ADGRE2: variants seen among roughly 807,000 people sequenced by gnomAD.
ADGRE2 encodes adhesion G protein-coupled receptor E2, also known as CD97 antigen.
In ADGRE2, 83 loss-of-function variants were observed where a neutral mutation model predicts 100.8. The ratio of observed to expected loss-of-function variants is 0.82; its 90% CI spans 0.69 to 0.99. ADGRE2 has a LOEUF of 0.99. Ranked by LOEUF, ADGRE2 falls within the 50% of genes least tolerant of loss-of-function variation. The pLI, the probability that ADGRE2 is intolerant of heterozygous loss-of-function variation, is 0.00. For missense variants in ADGRE2, 814 were observed against 1,035.7 expected (o/e 0.79, Z 2.94); for synonymous variants, 355 against 413.0 (o/e 0.86, Z 1.70).
In ADGRE2 at chr19:14,748,647, T is replaced by C. The variant is rs187640159; in HGVS notation, c.2025-1685A>G. Among the ~76,000 whole-genome samples the C allele has an allele frequency of 2.6e-5, 4 of 152,322 alleles. No individual in the cohort carries two copies. In the East Asian group the frequency reaches 7.7e-4, roughly 29 times the overall value. On this transcript the variant is annotated intron_variant, in intron 16 of 20. Coordinates refer to ENST00000315576, the MANE Select transcript of ADGRE2 (RefSeq NM_013447.4). ...TATGGCTGCATCATGTACAAGTTTT[T>C]TTGTGGACATCGTTTTCATTTGTTT...
At chr19:14,738,158 C>T (rs556173621) in intron 20 of ADGRE2, among the ~76,000 whole-genome samples, 131 of 152,108 alleles carry the variant, frequency 8.6e-4, no homozygotes, top group African/African-American at 3.1e-3. Context: ...AGCAAATGAT[C>T]ACATGTACCT....
rs541900283 is a variant in ADGRE2 at position 14,774,621 on chromosome 19, G to A, written c.32-315C>T. Among the ~76,000 whole-genome samples, 547 of 146,376 alleles carry A rather than the reference G, an allele frequency of 3.7e-3. 3 individuals carry two copies. The highest frequency in any genetic ancestry group is 0.028 in the Middle Eastern group (8 of 282). On this transcript the variant is annotated intron_variant, in intron 2 of 20. Coordinates refer to ENST00000315576, the MANE Select transcript of ADGRE2 (RefSeq NM_013447.4). ...ATTCCTAGGCTCAAGCGATCCCCCT[G>A]CCTCACCCTCCCGAGTAGCTGGGAC...
chr19:14,776,769 G>C lies in ADGRE2; in HGVS notation c.-13C>G. ...CGCGGCCTCCCATGGTTCCAGCTGA[G>C]CTGCCGGCAGGAGCAGCAGGGGAAA... On this transcript the variant is annotated 5_prime_UTR_variant, in exon 2 of 21. Transcript: ENST00000315576. 6.2e-7 allele frequency: 1 copy of C among 1,613,330 alleles called. No individual in the cohort carries two copies. Among genetic ancestry groups the C allele is most frequent in the Non-Finnish European group, 8.5e-7 (1 of 1,179,720 alleles).
chr19:14,746,187 G>T, intron 18 of ADGRE2, 45 bp downstream of exon 18: 1 of 1,196,806 alleles, frequency 8.4e-7, no homozygotes, highest in Non-Finnish European at 1.2e-6. Flanking sequence ...TGGCTCTTGG[G>T]AACCATACAT....
Position 14,765,511 on chromosome 19 carries a change from G to T in ADGRE2, c.828+13C>A, listed in dbSNP as rs748485621. The T allele has an allele frequency of 9.3e-6, 15 of 1,613,490 alleles. No individual in the cohort carries two copies. Among genetic ancestry groups the T allele is most frequent in the Non-Finnish European group, 1.1e-5 (13 of 1,179,434 alleles). On this transcript the variant is annotated intron_variant, in intron 9 of 20. Coordinates refer to ENST00000315576, the MANE Select transcript of ADGRE2 (RefSeq NM_013447.4). Reference sequence around the variant, plus strand: ...GGAGTTCCCGCCGCCTCGTCCCTGTGGGGGCCACTCACCTGGCTGTGGACT... The same window carrying T: ...GGAGTTCCCGCCGCCTCGTCCCTGTTGGGGCCACTCACCTGGCTGTGGACT...
In ADGRE2 at chr19:14,752,365, G is replaced by C. The variant is rs748886893; in HGVS notation, c.1752C>G (p.Leu584=). Residue 584 remains leucine (L), a synonymous_variant, in exon 15 of 21, where the codon CTC becomes CTG. Transcript: ENST00000315576. ...QLSLCLFLAH[L]LFLVAIDQTG... ...TTTGATCAATTGCCACGAGGAAGAG[G>C]AGGTGGGCCAGGAAGAGGCAGAGCG... 1.9e-6 allele frequency: 3 copies of C among 1,614,094 alleles called. No homozygotes were observed. In the African/African-American group the frequency reaches 4.0e-5, roughly 22 times the overall value.
chr19:14,734,408 C>T lies in ADGRE2; in HGVS notation c.*1828G>A, dbSNP rs45551241. The T allele has an allele frequency of 0.22, 33,946 of 151,800 alleles. 3,996 individuals are homozygous for T. Among genetic ancestry groups the T allele is most frequent in the Non-Finnish European group, 0.26 (17,639 of 67,966 alleles). 9.4% of individuals were successfully genotyped at this position (151,800 alleles called of 1,614,324 possible). ...GGTACACACCTGTAGTTTCAAATACCTGGAGGGGGACTGAGGCAGGAGGAT... is the reference window on the plus strand; with the variant it reads ...GGTACACACCTGTAGTTTCAAATACTTGGAGGGGGACTGAGGCAGGAGGAT... On this transcript the variant is annotated 3_prime_UTR_variant, in exon 21 of 21. Coordinates refer to ENST00000315576, the MANE Select transcript of ADGRE2 (RefSeq NM_013447.4).
chr19:14,746,472 G>T, intron 17 of ADGRE2, 149 bp from the exon 18 acceptor site: 1 of 592,624 alleles, frequency 1.7e-6, no homozygotes, highest in Non-Finnish European at 3.0e-6. Flanking sequence ...TCCCGGGTTC[G>T]AGCGATTCTC....
chr19:14,728,344 C>T (rs1334942793), downstream of ADGRE2, among the ~76,000 whole-genome samples: 1 of 152,222 alleles, frequency 6.6e-6, no homozygotes, highest in African/African-American at 2.4e-5. Flanking sequence ...CTTAGTGTCT[C>T]TTCTTATGCT....
chr19:14,749,596 GC>G lies in ADGRE2; in HGVS notation c.2024+1839del, dbSNP rs1250837255. Among the ~76,000 whole-genome samples, 114 of 128,476 alleles carry G rather than the reference GC, an allele frequency of 8.9e-4. 2 individuals carry two copies. Among genetic ancestry groups the G allele is most frequent in the South Asian group, 1.9e-3 (7 of 3,674 alleles). 84.3% of individuals were successfully genotyped at this position (128,476 alleles called of 152,430 possible). ...ATTTATAGTTATATAATTATTTATA[GC>G]TATGTTATATAATTATTTATAGTTA... On this transcript the variant is annotated intron_variant, in intron 16 of 20. Coordinates refer to ENST00000315576, the MANE Select transcript of ADGRE2 (RefSeq NM_013447.4).
At chr19:14,726,593 G>A in the ADGRE2 span, among the ~76,000 whole-genome samples, 24,922 of 152,134 alleles carry the variant, frequency 0.16, 2,341 homozygotes, top group Middle Eastern at 0.26. Context: ...AAGCAGCCGT[G>A]CCTCTCCTTG....
chr19:14,767,401 G>A (rs946255353), intron 5 of ADGRE2, among the ~76,000 whole-genome samples: 2 of 152,014 alleles, frequency 1.3e-5, no homozygotes, highest in African/African-American at 4.8e-5. Context: ...ACCATGCCCG[G>A]CTAATTTTTT....
chr19:14,764,596 C>A lies in ADGRE2; in HGVS notation c.921G>T (p.Ala307=), dbSNP rs150714028. 2.5e-6 allele frequency: 4 copies of A among 1,611,802 alleles called. No individual in the cohort carries two copies. Among genetic ancestry groups the A allele is most frequent in the African/African-American group, 1.3e-5 (1 of 74,908 alleles). ...CAGGGGCCTCCAGCAGCTCATCCAG[C>A]GCCTGTAAGATGCTCTGGAGGGATG... is the stretch of plus-strand genomic sequence containing the variant. The part of the protein sequence containing the change: ...ANNTIQSILQ[A]LDELLEAPGD... Residue 307 remains alanine (A), a synonymous_variant, in exon 11 of 21, where the codon GCG becomes GCT. Coordinates refer to ENST00000315576, the MANE Select transcript of ADGRE2 (RefSeq NM_013447.4).
chr19:14,756,293 C>G lies in ADGRE2; in HGVS notation c.1137G>C (p.Gln379His), dbSNP rs750606917. 11 of 1,614,040 alleles carry G rather than the reference C, an allele frequency of 6.8e-6. No individual in the cohort carries two copies. The highest frequency in any genetic ancestry group is 5.9e-6 in the Non-Finnish European group (7 of 1,180,038). Residue 379 changes from glutamine (Q) to histidine (H), a missense_variant, in exon 12 of 21, where the codon CAG becomes CAC. Gln to His is a conservative substitution (Grantham distance 24). Coordinates refer to ENST00000315576, the MANE Select transcript of ADGRE2 (RefSeq NM_013447.4). ...KQVDRSVTLR[Q>H]NQAVMQLDWN... Reference sequence around the variant, plus strand: ...AGTCGAGCTGCATCACTGCCTGATTCTGTCTCAAGGTGACACTCCTGTCTA... The same window carrying G: ...AGTCGAGCTGCATCACTGCCTGATTGTGTCTCAAGGTGACACTCCTGTCTA...
At chr19:14,763,076 G>A (rs895240968) in intron 11 of ADGRE2, among the ~76,000 whole-genome samples, 3 of 151,960 alleles carry the variant, frequency 2.0e-5, no homozygotes, top group Admixed American at 6.6e-5. Flanking sequence ...GGTGGCTCAC[G>A]CCTGTAATCC....
chr19:14,765,724 G>C lies in ADGRE2; in HGVS notation c.715C>G (p.Arg239Gly), dbSNP rs750767967. 6.2e-7 allele frequency: 1 copy of C among 1,613,240 alleles called. No homozygotes were observed. The highest frequency in any genetic ancestry group is 1.1e-5 in the South Asian group (1 of 91,070). ...CFNTVGSYSC[R>G]CRPGWKPRHG... The stretch of plus-strand genomic sequence containing the variant: ...CTGGGCTTCCAGCCTGGGCGGCAGC[G>C]GCAGCTGTATGAACCCACGGTGTTG... The change falls in exon 8 of 21, where the codon CGC becomes GGC. Residue 239 changes from arginine (R) to glycine (G), a missense_variant. Physicochemically the swap from Arg to Gly is moderately radical, Grantham distance 125. Transcript: ENST00000315576.
intron 20 of ADGRE2, among the ~76,000 whole-genome samples, chr19:14,739,416 C>G (rs565801867): frequency 2.6e-5 from 4 of 152,044 alleles, no homozygotes; most frequent in East Asian, 1.9e-4. Context: ...ATTTCAGAAG[C>G]CTTTGTTGGC....
rs74453710 is a variant in ADGRE2, at chr19:14,751,279, A to G, written c.2024+157T>C. ...TTGAAATGTAATTGAAATAAACTCA[A>G]TAGCTAAGAATAAGGAGCTGCAGTG... On this transcript the variant is annotated intron_variant, in intron 16 of 20. Coordinates refer to ENST00000315576, the MANE Select transcript of ADGRE2 (RefSeq NM_013447.4). Among the ~76,000 whole-genome samples, 162 of 152,296 alleles carry G rather than the reference A, an allele frequency of 1.1e-3. 4 individuals are homozygous for G. In the East Asian group the frequency reaches 0.027, roughly 26 times the overall value.
the ADGRE2 span, among the ~76,000 whole-genome samples, chr19:14,724,492 G>T: frequency 6.6e-6 from 1 of 152,178 alleles, no homozygotes; most frequent in Non-Finnish European, 1.5e-5. Flanking sequence ...TAAGCCGGGC[G>T]CAGTGGCTCA....
Sources: gnomAD v4.1 joint callset for allele counts (sites outside exome capture counted in the v4.1 genomes callset) on GRCh38, gnomAD v4.1.1 for gene constraint, MANE v1.5 for transcripts, NCBI Gene and HGNC (gene_info 2026-07-23, HGNC 2026-07-21) for gene names.